Variants in AXL observed in about 807,000 individuals in gnomAD.
AXL encodes the protein tyrosine-protein kinase receptor UFO.
AXL carries 52 observed loss-of-function variants against 104.5 expected under a neutral mutation model. The observed-to-expected ratio is 0.50, with a 90% confidence interval of 0.40 to 0.63. The LOEUF is 0.63. Among genes scored for constraint, AXL ranks in the 20% least tolerant of loss-of-function variants. The probability of loss-of-function intolerance (pLI) is 0.00; values close to 1 mark genes in which losing one functional copy is unlikely to be tolerated. For synonymous variants in AXL, 455 were observed against 473.7 expected (o/e 0.96, Z 0.51); for missense variants, 1,024 against 1,188.5 (o/e 0.86, Z 2.04).
rs768231361 is a variant in AXL, at chr19:41,219,471, C to T, written c.79C>T (p.Pro27Ser). ...LALCGWACMA[P>S]RGTQAEESPF... ...GCTGTGCGGCTGGGCGTGCATGGCC[C>T]CCAGGGGTGAGTGATGGGGGCTCCT... Residue 27 changes from proline to serine, a missense_variant, in exon 1 of 20, where the codon CCC becomes TCC. By Grantham distance (74) the Pro-to-Ser change is moderately conservative. This residue lies in a region of AXL where 124 missense variants were observed against 115.5 expected (regional missense o/e 1.07). Coordinates refer to ENST00000301178, the MANE Select transcript of AXL (RefSeq NM_021913.5). 43 of 1,604,082 alleles carry T rather than the reference C, an allele frequency of 2.7e-5. No individual in the cohort carries two copies. The highest frequency in any genetic ancestry group is 8.5e-5 in the Admixed American group (5 of 58,848).
intron 15 of AXL, 49 bp downstream of exon 15, chr19:41,252,492 A>G: frequency 1.3e-6 from 2 of 1,582,980 alleles, no homozygotes; most frequent in Non-Finnish European, 1.7e-6. Flanking sequence ...TGGGGGCCAT[A>G]GCAGAGGGAA....
chr19:41,229,919 G>C (rs1170256098), intron 4 of AXL, among the ~76,000 whole-genome samples: 1 of 152,094 alleles, frequency 6.6e-6, no homozygotes, highest in Non-Finnish European at 1.5e-5. Context: ...GAGTTAGTGA[G>C]GGTGCCTGTG....
At chr19:41,226,227 C>A (rs1227069530) in intron 4 of AXL, among the ~76,000 whole-genome samples, 1 of 151,902 alleles carries the variant, frequency 6.6e-6, no homozygotes, top group East Asian at 1.9e-4. Context: ...GCGGTCGGAA[C>A]GGGACCCGGC....
chr19:41,245,754 A>T (rs940481042), intron 12 of AXL, among the ~76,000 whole-genome samples: 3 of 151,152 alleles, frequency 2.0e-5, no homozygotes, highest in African/African-American at 4.8e-5. Flanking sequence ...CTTTCCAGTT[A>T]GGGAAACTGA....
At chr19:41,256,420 C>G (rs2034452893) in intron 17 of AXL, 32 bp from the exon 18 acceptor site, 1 of 1,598,686 alleles carries the variant, frequency 6.3e-7, no homozygotes, top group Non-Finnish European at 8.6e-7. Flanking sequence ...TGACTGATGC[C>G]CTGACCCTGT....
chr19:41,252,581 C>T, intron 15 of AXL, 138 bp downstream of exon 15: 1 of 1,094,746 alleles, frequency 9.1e-7, no homozygotes, highest in South Asian at 1.5e-5. Context: ...CAGGCTTCCC[C>T]CTCCTAGTCT....
intron 4 of AXL, among the ~76,000 whole-genome samples, chr19:41,226,175 T>C (rs1019049223): frequency 1.3e-5 from 2 of 151,230 alleles, no homozygotes; most frequent in Non-Finnish European, 2.9e-5. Flanking sequence ...AGCGCTGGGG[T>C]GGGGAGGTGC....
intron 17 of AXL, among the ~76,000 whole-genome samples, chr19:41,255,547 C>T (rs1270294919): frequency 2.0e-5 from 3 of 151,822 alleles, no homozygotes; most frequent in African/African-American, 7.3e-5. Context: ...TCAAGCTATC[C>T]TTCTGCCTCA....
intron 4 of AXL, among the ~76,000 whole-genome samples, chr19:41,225,258 G>A (rs1263606419): frequency 1.3e-5 from 2 of 152,312 alleles, no homozygotes; most frequent in East Asian, 3.9e-4. Flanking sequence ...ACCGGCCTCG[G>A]CCTCCCAAAG....
Position 41,222,050 on chromosome 19 carries a change from G to A in AXL, c.580G>A (p.Val194Ile), listed in dbSNP as rs34645731. The A allele has an allele frequency of 1.5e-4, 236 of 1,568,586 alleles. 2 individuals are homozygous for A. In the African/African-American group the frequency reaches 3.0e-3, roughly 20 times the overall value. Residue 194 changes from valine to isoleucine, a missense_variant, in exon 4 of 20, where the codon GTT (valine) becomes ATT (isoleucine). By Grantham distance (29) the Val-to-Ile change is conservative (BLOSUM62 3). Transcript: ENST00000301178. ...PGHGPQRSLHVPGLNKTSSFS... is the reference protein window; with the variant it reads ...PGHGPQRSLHIPGLNKTSSFS... ...TCACGGCCCCCAGCGCAGCCTGCAT[G>A]TTCCAGGTGAGTCCGGGGATGTGGG...
At chr19:41,220,886 T>C (rs1454285616) in intron 2 of AXL, 28 bp downstream of exon 2, 1 of 1,607,370 alleles carries the variant, frequency 6.2e-7, no homozygotes, top group African/African-American at 1.3e-5. Context: ...CGAATCCCAC[T>C]CCCACCTCCG....
chr19:41,252,279 G>T (rs1264782188), intron 14 of AXL, 72 bp from the exon 15 acceptor site: 3 of 1,184,976 alleles, frequency 2.5e-6, no homozygotes. Flanking sequence ...TGATGATGAT[G>T]ATGGAGTGGA....
Position 41,221,885 on chromosome 19 carries a change from C to T in AXL, c.415C>T (p.Pro139Ser), listed in dbSNP as rs1377153685. The T allele has an allele frequency of 6.2e-7, 1 of 1,613,472 alleles. No homozygotes were observed. The highest frequency in any genetic ancestry group is 8.5e-7 in the Non-Finnish European group (1 of 1,179,838). Residue 139 changes from proline (P) to serine (S), a missense_variant, in exon 4 of 20, where the codon CCT (proline) becomes TCT (serine). Physicochemically the swap from Pro to Ser is moderately conservative, Grantham distance 74 (BLOSUM62 -1). This residue lies in a region of AXL where 41 missense variants were observed against 76.2 expected (regional missense o/e 0.54). Coordinates refer to ENST00000301178, the MANE Select transcript of AXL (RefSeq NM_021913.5). ...QPGYVGLEGL[P>S]YFLEEPEDRT... is the part of the protein sequence containing the mutation. ...ACCACTGCCCACCCCGCTAGGCTTG[C>T]CTTACTTCCTGGAGGAGCCCGAAGA... is the stretch of plus-strand genomic sequence containing the variant.
intron 14 of AXL, among the ~76,000 whole-genome samples, chr19:41,250,204 T>C (rs997028636): frequency 6.6e-6 from 1 of 152,166 alleles, no homozygotes; most frequent in Non-Finnish European, 1.5e-5. Context: ...GACTATATTA[T>C]TTCCATTATC....
chr19:41,231,179 A>G lies in AXL; in HGVS notation c.668-4A>G. ...CAGGGTCAATCTCTCCCGTTTGTCC[A>G]CAGTGCTCCCCCAGCAGCCCCGTAA... On this transcript the variant is annotated splice_polypyrimidine_tract_variant and splice_region_variant and intron_variant, in intron 5 of 19. Transcript: ENST00000301178. The G allele has an allele frequency of 6.2e-7, 1 of 1,611,378 alleles. No homozygotes were observed. The highest frequency in any genetic ancestry group is 8.5e-7 in the Non-Finnish European group (1 of 1,178,534).
chr19:41,251,741 AAAAC>A (rs2034366134), intron 14 of AXL, among the ~76,000 whole-genome samples: 1 of 150,650 alleles, frequency 6.6e-6, no homozygotes, highest in African/African-American at 2.4e-5. Flanking sequence ...AACAAAAACA[AAAAC>A]AAAACAAAAC....
chr19:41,246,483 T>G (rs544482553), intron 12 of AXL, among the ~76,000 whole-genome samples: 3 of 128,370 alleles, frequency 2.3e-5, no homozygotes, highest in African/African-American at 1.0e-4. Context: ...TAGGTTTTCT[T>G]TTGAGGCCAG....
chr19:41,259,799 C>A lies in AXL; in HGVS notation c.2580C>A (p.Val860=). 1.2e-6 allele frequency: 2 copies of A among 1,614,114 alleles called. No homozygotes were observed. Among genetic ancestry groups the A allele is most frequent in the Non-Finnish European group, 8.5e-7 (1 of 1,180,024 alleles). The change falls in exon 20 of 20, where the codon GTC becomes GTA. Residue 860 remains valine (V), a synonymous_variant. Transcript: ENST00000301178. ...DSCSCLTAAE[V]HPAGRYVLCP... ...GTAGCTGCCTCACTGCGGCTGAGGT[C>A]CATCCTGCTGGACGCTATGTCCTCT...
Position 41,221,139 on chromosome 19 carries a change from C to T in AXL, c.309-7C>T, listed in dbSNP as rs116592350. On this transcript the variant is annotated splice_polypyrimidine_tract_variant and splice_region_variant and intron_variant, in intron 2 of 19. Coordinates refer to ENST00000301178, the MANE Select transcript of AXL (RefSeq NM_021913.5). ...GAACCTCTCTGTCTCTCCTCTTGCC[C>T]TGTCAGAATCACCTCCCTGCAGCTT... The T allele has an allele frequency of 1.2e-4, 199 of 1,612,970 alleles. No individual in the cohort carries two copies. In the African/African-American group the frequency reaches 2.3e-3, roughly 19 times the overall value.
Sources: gnomAD v4.1 joint callset for allele counts (sites outside exome capture counted in the v4.1 genomes callset) on GRCh38, gnomAD v4.1.1 for gene constraint, gnomAD v4.1.1 regional missense constraint, MANE v1.5 for transcripts, NCBI Gene and HGNC (gene_info 2026-07-23, HGNC 2026-07-21) for gene names.